ITPR2: variants seen among roughly 807,000 people sequenced by gnomAD.
ITPR2 encodes inositol 1,4,5-trisphosphate-gated calcium channel ITPR2.
ITPR2 carries 207 observed loss-of-function variants against 317.1 expected under a neutral mutation model. That is an observed-to-expected ratio of 0.65 (90% CI 0.58 to 0.73). ITPR2 has a LOEUF of 0.73. Among genes scored for constraint, ITPR2 ranks in the 30% least tolerant of loss-of-function variants. The probability of loss-of-function intolerance (pLI) is 0.00; values close to 1 mark genes in which losing one functional copy is unlikely to be tolerated. For synonymous variants in ITPR2, 1,156 were observed against 1,149.1 expected (o/e 1.01, Z -0.12); for missense variants, 2,613 against 3,284.0 (o/e 0.80, Z 4.99).
chr12:26,773,500 T>C (rs1407320430), intron 2 of ITPR2, among the ~76,000 whole-genome samples: 1 of 152,182 alleles, frequency 6.6e-6, no homozygotes, highest in Non-Finnish European at 1.5e-5. Context: ...CTATACCACA[T>C]GCACCACGAT....
chr12:26,716,136 G>C lies in ITPR2; in HGVS notation c.624+8C>G. On this transcript the variant is annotated splice_region_variant and intron_variant, in intron 6 of 56. Coordinates refer to ENST00000381340, the MANE Select transcript of ITPR2 (RefSeq NM_002223.4). ...GAACACATTCATTCCTTTTCCACTT[G>C]AACTTACCTCTTTACACCCTGGGTT... 4 of 1,585,900 alleles carry C rather than the reference G, an allele frequency of 2.5e-6. No individual in the cohort carries two copies. Among genetic ancestry groups the C allele is most frequent in the East Asian group, 2.2e-5 (1 of 44,654 alleles).
At chr12:26,643,721 G>T (rs1019778899) in intron 21 of ITPR2, among the ~76,000 whole-genome samples, 1 of 152,208 alleles carries the variant, frequency 6.6e-6, no homozygotes, top group Admixed American at 6.5e-5. Flanking sequence ...TTTATGGAAG[G>T]TAGAACTTGC....
intron 37 of ITPR2, among the ~76,000 whole-genome samples, chr12:26,536,951 A>C (rs1308732539): frequency 1.3e-5 from 2 of 152,218 alleles, no homozygotes; most frequent in African/African-American, 4.8e-5. Flanking sequence ...CACAGGGACA[A>C]AAAGCTTCTT....
chr12:26,758,060 GAGA>G (rs142970846), intron 2 of ITPR2, among the ~76,000 whole-genome samples: 412 of 152,278 alleles, frequency 2.7e-3, no homozygotes, highest in African/African-American at 8.5e-3. Flanking sequence ...TAATCGAGGT[GAGA>G]ACCTCTCCAC....
chr12:26,720,311 C>T (rs1052804472), intron 5 of ITPR2, among the ~76,000 whole-genome samples: 1 of 152,108 alleles, frequency 6.6e-6, no homozygotes. Flanking sequence ...ATCTTAAAAC[C>T]TCATCTATTG....
intron 37 of ITPR2, among the ~76,000 whole-genome samples, chr12:26,514,314 G>T (rs555109747): frequency 1.3e-5 from 2 of 152,186 alleles, no homozygotes; most frequent in East Asian, 3.8e-4. Flanking sequence ...AAAACAAAGC[G>T]ATTACAGTAT....
chr12:26,486,756 T>C, intron 40 of ITPR2: 1 of 572,142 alleles, frequency 1.7e-6, no homozygotes, highest in South Asian at 1.5e-5. Context: ...GTGTGGTAAT[T>C]TCTGTTTTTA....
rs574075753 is a variant in ITPR2, at chr12:26,832,971, C to T, written c.-190G>A. 528 of 537,480 alleles carry T rather than the reference C, an allele frequency of 9.8e-4. 2 individuals are homozygous for T. The highest frequency in any genetic ancestry group is 9.5e-3 in the East Asian group (265 of 27,768). 33.3% of individuals were successfully genotyped at this position (537,480 alleles called of 1,614,324 possible). A position where few individuals can be genotyped will look rare whatever the true frequency, so the allele number is the denominator to read the frequency against. ...TGCGTGCGCGCCGGGGAAGCCAGAC[C>T]GGGGCCAAGCCGCAGCTGCGGACAC... On this transcript the variant is annotated 5_prime_UTR_variant, in exon 1 of 57. Coordinates refer to ENST00000381340, the MANE Select transcript of ITPR2 (RefSeq NM_002223.4).
chr12:26,527,502 G>A (rs1415580891), intron 37 of ITPR2, among the ~76,000 whole-genome samples: 1 of 152,190 alleles, frequency 6.6e-6, no homozygotes, highest in Non-Finnish European at 1.5e-5. Context: ...TAGACTTACT[G>A]AGATAATCAA....
chr12:26,472,188 C>T lies in ITPR2; in HGVS notation c.6342+3108G>A, dbSNP rs181177626. ...CCTTGTGTCACTATAATAGAATAAG[C>T]GGACAATTGCTTAACTCTACACTGT... On this transcript the variant is annotated intron_variant, in intron 45 of 56. Coordinates refer to ENST00000381340, the MANE Select transcript of ITPR2 (RefSeq NM_002223.4). Among the ~76,000 whole-genome samples, 15 of 152,250 alleles carry T rather than the reference C, an allele frequency of 9.9e-5. No homozygotes were observed. In the East Asian group the frequency reaches 2.1e-3, roughly 22 times the overall value.
At chr12:26,643,545 C>T (rs1046210024) in intron 21 of ITPR2, among the ~76,000 whole-genome samples, 1 of 152,060 alleles carries the variant, frequency 6.6e-6, no homozygotes, top group Non-Finnish European at 1.5e-5. Context: ...TTCTTAAAGA[C>T]TTCATAGAAG....
intron 37 of ITPR2, among the ~76,000 whole-genome samples, chr12:26,541,190 G>A (rs548896815): frequency 1.9e-3 from 282 of 149,848 alleles, no homozygotes; most frequent in African/African-American, 6.4e-3. Flanking sequence ...GGTGGCAGCC[G>A]CCTGTAATCC....
intron 37 of ITPR2, among the ~76,000 whole-genome samples, chr12:26,542,636 G>T (rs541933620): frequency 2.0e-5 from 3 of 152,268 alleles, no homozygotes; most frequent in Non-Finnish European, 4.4e-5. Flanking sequence ...TTTTAAAACC[G>T]TTGCTTAAAA....
chr12:26,647,625 CA>C (rs1231090874), intron 21 of ITPR2, among the ~76,000 whole-genome samples: 1 of 152,222 alleles, frequency 6.6e-6, no homozygotes, highest in East Asian at 1.9e-4. Flanking sequence ...TCCTTCTACT[CA>C]AAAGATCAAT....
intron 5 of ITPR2, among the ~76,000 whole-genome samples, 199 bp from the exon 6 acceptor site, chr12:26,716,441 T>C (rs1592064971): frequency 6.6e-6 from 1 of 152,186 alleles, no homozygotes; most frequent in Admixed American, 6.5e-5. Context: ...CCATGTCCCA[T>C]AGTGCCTATC....
At chr12:26,553,996 A>G (rs1474641727) in intron 36 of ITPR2, among the ~76,000 whole-genome samples, 3 of 152,070 alleles carry the variant, frequency 2.0e-5, no homozygotes, top group African/African-American at 7.2e-5. Flanking sequence ...ACACAACATC[A>G]TTTTACTTCA....
rs572564098 is a variant in ITPR2 at position 26,454,095 on chromosome 12, A to G, written c.6343-10445T>C. Among the ~76,000 whole-genome samples the G allele has an allele frequency of 2.6e-5, 4 of 152,298 alleles. No homozygotes were observed. The South Asian group carries it at 8.3e-4, about 32-fold the overall frequency. ...GTATTTTTTGCTTATTTATTAGTTCAATTTTAATGGCATATGTGTTTAATT... is the reference window on the plus strand; with the variant it reads ...GTATTTTTTGCTTATTTATTAGTTCGATTTTAATGGCATATGTGTTTAATT... On this transcript the variant is annotated intron_variant, in intron 45 of 56. Transcript: ENST00000381340.
intron 40 of ITPR2, 190 bp downstream of exon 40, chr12:26,486,878 T>C (rs1224461084): frequency 2.9e-6 from 2 of 697,916 alleles, no homozygotes; most frequent in Admixed American, 4.0e-5. Flanking sequence ...ACTGATTATG[T>C]CTCATTTAAG....
At chr12:26,588,127 G>A (rs1945584809) in intron 32 of ITPR2, among the ~76,000 whole-genome samples, 1 of 152,172 alleles carries the variant, frequency 6.6e-6, no homozygotes, top group Admixed American at 6.5e-5. Context: ...AAGAGTTTGA[G>A]GTTAGACAGC....
Sources: gnomAD v4.1 joint callset for allele counts (sites outside exome capture counted in the v4.1 genomes callset) on GRCh38, gnomAD v4.1.1 for gene constraint, MANE v1.5 for transcripts, NCBI Gene and HGNC (gene_info 2026-07-23, HGNC 2026-07-21) for gene names.